The following FAM169A variants were observed in gnomAD, a reference collection of about 807,000 sequenced individuals.
FAM169A encodes family with sequence similarity 169 member A.
Under a neutral mutation model 75.7 loss-of-function variants are expected in FAM169A, and 24 were observed. The observed-to-expected ratio is 0.32, with a 90% confidence interval of 0.23 to 0.45. FAM169A has a LOEUF of 0.45. Ranked by LOEUF, FAM169A falls within the 20% of genes least tolerant of loss-of-function variation. The pLI, the probability that FAM169A is intolerant of heterozygous loss-of-function variation, is 1.00. For missense variants in FAM169A, 673 were observed against 784.0 expected, an observed-to-expected ratio of 0.86 and a Z score of 1.69; for synonymous variants, 271 against 271.0, an observed-to-expected ratio of 1.00 and a Z score of 0.00.
At chr5:74,859,635 T>C (rs2112744470) in intron 1 of FAM169A, among the ~76,000 whole-genome samples, 3 of 152,328 alleles carry the variant, frequency 2.0e-5, no homozygotes, top group East Asian at 3.9e-4. Context: ...CTTGTGGTTA[T>C]ACTATATCTC....
In FAM169A at chr5:74,841,582, G is replaced by A; in HGVS notation, c.95C>T (p.Pro32Leu). 1 of 1,612,992 alleles carries A rather than the reference G, an allele frequency of 6.2e-7. No individual in the cohort carries two copies. Among genetic ancestry groups the A allele is most frequent in the South Asian group, 1.1e-5 (1 of 90,980 alleles). Residue 32 changes from proline to leucine, a missense_variant, in exon 2 of 13, where the codon CCT (proline) becomes CTT (leucine). Around this residue, in one of 3 missense-constraint regions of FAM169A, gnomAD observed 56 missense variants for 52.2 expected, o/e 1.07. Coordinates refer to ENST00000687041, the MANE Select transcript of FAM169A (RefSeq NM_001376049.1). ...DYMSDLRCGDPENPECFSLLN... is the reference protein window; with the variant it reads ...DYMSDLRCGDLENPECFSLLN... ...AAGAGAAAAACACTCTGGATTTTCA[G>A]GGTCCCCACACCTTAAATCTGACAT...
chr5:74,850,472 G>A (rs1467115431), intron 1 of FAM169A, among the ~76,000 whole-genome samples: 1 of 152,192 alleles, frequency 6.6e-6, no homozygotes, highest in Non-Finnish European at 1.5e-5. Context: ...TATTTGGTAT[G>A]TTTTAGGCCT....
chr5:74,781,994 A>G lies in FAM169A; in HGVS notation c.1479T>C (p.Pro493=). 1 of 1,610,858 alleles carries G rather than the reference A, an allele frequency of 6.2e-7. No homozygotes were observed. Among genetic ancestry groups the G allele is most frequent in the South Asian group, 1.1e-5 (1 of 90,954 alleles). The change falls in exon 13 of 13, where the codon CCT becomes CCC. Residue 493 remains proline, a synonymous_variant. Coordinates refer to ENST00000687041, the MANE Select transcript of FAM169A (RefSeq NM_001376049.1). ...CTTCATCCATCAACATTTCTGAGTCAGGTATACGTGGGGTCTGAAAATTAA... is the reference window on the plus strand; with the variant it reads ...CTTCATCCATCAACATTTCTGAGTCGGGTATACGTGGGGTCTGAAAATTAA... ...VDAPDKTPRI[P]DSEMLMDEGT... is the part of the protein sequence containing the mutation.
chr5:74,784,610 A>T (rs1285547128), intron 11 of FAM169A, among the ~76,000 whole-genome samples: 99 of 72,150 alleles, frequency 1.4e-3, no homozygotes, highest in African/African-American at 8.7e-3. Flanking sequence ...CCCAGGCTAA[A>T]AAAAAAAAAA....
Position 74,801,003 on chromosome 5 carries a change from T to C in FAM169A, c.980A>G (p.His327Arg). 8.9e-6 allele frequency: 14 copies of C among 1,565,656 alleles called. No individual in the cohort carries two copies. The highest frequency in any genetic ancestry group is 1.2e-5 in the Non-Finnish European group (14 of 1,155,668). ...CCGCTTTAGATTACCACTTCGAGTA[T>C]GAGTGGAAACAGATGTTTTATCATG... ...EGHDKTSVST[H>R]TRSGNLKRPK... The change falls in exon 10 of 13, where the codon CAT (histidine) becomes CGT (arginine). Residue 327 changes from histidine (H) to arginine (R), a missense_variant. Coordinates refer to ENST00000687041, the MANE Select transcript of FAM169A (RefSeq NM_001376049.1).
chr5:74,844,631 A>G (rs55920995), intron 1 of FAM169A, among the ~76,000 whole-genome samples: 22,271 of 152,008 alleles, frequency 0.15, 1,882 homozygotes, highest in African/African-American at 0.23. Context: ...CATCCTGGCT[A>G]ACACAGTGAA....
intron 1 of FAM169A, among the ~76,000 whole-genome samples, chr5:74,860,827 TAAAAAAAAAA>T (rs11293001): frequency 1.4e-5 from 1 of 71,656 alleles, no homozygotes; most frequent in African/African-American, 4.7e-5. Flanking sequence ...AATGTAGCAC[TAAAAAAAAAA>T]AAAAAAAAAA....
intron 5 of FAM169A, among the ~76,000 whole-genome samples, chr5:74,831,725 G>A (rs995012158): frequency 3.3e-5 from 5 of 152,078 alleles, no homozygotes; most frequent in Non-Finnish European, 7.4e-5. Flanking sequence ...AATTTCTTAT[G>A]AATCCTTTCA....
chr5:74,797,727 A>G (rs1332926173), intron 10 of FAM169A, among the ~76,000 whole-genome samples: 1 of 152,214 alleles, frequency 6.6e-6, no homozygotes, highest in Non-Finnish European at 1.5e-5. Context: ...GTGTAAATAC[A>G]AAATATTTCC....
chr5:74,813,795 G>A, intron 6 of FAM169A, 45 bp downstream of exon 6: 1 of 1,365,818 alleles, frequency 7.3e-7, no homozygotes, highest in Non-Finnish European at 9.8e-7. Context: ...CAAGTCGGAA[G>A]TGACACAAAG....
intron 5 of FAM169A, 70 bp from the exon 6 acceptor site, chr5:74,814,089 G>T: frequency 8.0e-7 from 1 of 1,246,844 alleles, no homozygotes; most frequent in Non-Finnish European, 1.1e-6. Flanking sequence ...AGTGACATGA[G>T]TTAACAGTCT....
At chr5:74,793,620 A>G (rs11742460) in intron 11 of FAM169A, among the ~76,000 whole-genome samples, 54,345 of 151,930 alleles carry the variant, frequency 0.36, 12,946 homozygotes, top group African/African-American at 0.68. Context: ...CACTGCTTGG[A>G]TGATGGGTGC....
At chr5:74,847,019 A>C (rs576253720) in intron 1 of FAM169A, among the ~76,000 whole-genome samples, 1 of 152,080 alleles carries the variant, frequency 6.6e-6, no homozygotes, top group Admixed American at 6.6e-5. Flanking sequence ...CACCATCAAC[A>C]TTTTTCTGAG....
chr5:74,862,389 G>A (rs1750083205), intron 1 of FAM169A, among the ~76,000 whole-genome samples: 1 of 152,138 alleles, frequency 6.6e-6, no homozygotes. Context: ...CTATGCTTTA[G>A]CATTTGCTGG....
chr5:74,852,220 C>G (rs1045355460), intron 1 of FAM169A, among the ~76,000 whole-genome samples: 1 of 152,164 alleles, frequency 6.6e-6, no homozygotes, highest in Non-Finnish European at 1.5e-5. Flanking sequence ...CATTATATAG[C>G]AGAGTATCTC....
chr5:74,852,689 A>G (rs968643106), intron 1 of FAM169A, among the ~76,000 whole-genome samples: 1 of 152,034 alleles, frequency 6.6e-6, no homozygotes, highest in Non-Finnish European at 1.5e-5. Flanking sequence ...AAGAGAGTTA[A>G]GGTATATAAC....
chr5:74,823,258 A>G (rs1046522931), intron 5 of FAM169A, among the ~76,000 whole-genome samples: 2 of 152,210 alleles, frequency 1.3e-5, no homozygotes, highest in African/African-American at 4.8e-5. Flanking sequence ...TTCAGGATGT[A>G]GTTCCAAATA....
At chr5:74,818,799 C>CTA (rs1171146661) in intron 5 of FAM169A, among the ~76,000 whole-genome samples, 5,033 of 125,138 alleles carry the variant, frequency 0.04, 96 homozygotes, top group Non-Finnish European at 0.048. Flanking sequence ...CTCTCTCTCT[C>CTA]TCTCTATATA....
intron 11 of FAM169A, among the ~76,000 whole-genome samples, chr5:74,787,487 T>C (rs1392640627): frequency 1.3e-5 from 2 of 152,134 alleles, no homozygotes; most frequent in African/African-American, 2.4e-5. Flanking sequence ...CCAGAAGATA[T>C]ACCCTTGACC....
Sources: allele counts gnomAD v4.1 joint callset (sites outside exome capture counted in the v4.1 genomes callset), GRCh38; gene constraint gnomAD v4.1.1; regional missense constraint gnomAD v4.1.1; transcripts MANE v1.5; gene names NCBI Gene and HGNC (gene_info 2026-07-23, HGNC 2026-07-21).